Variants in TSHZ2 observed in about 807,000 individuals in gnomAD.
The protein encoded by TSHZ2 is teashirt homolog 2.
In TSHZ2, 21 loss-of-function variants were observed where a neutral mutation model predicts 74.4. That is an observed-to-expected ratio of 0.28 (90% CI 0.20 to 0.41). The LOEUF (loss-of-function observed/expected upper bound fraction) is 0.41. Among genes scored for constraint, TSHZ2 ranks in the 10% least tolerant of loss-of-function variants. The pLI, the probability that TSHZ2 is intolerant of heterozygous loss-of-function variation, is 1.00. For missense variants in TSHZ2, 1,244 were observed against 1,293.5 expected, an observed-to-expected ratio of 0.96 and a Z score of 0.59; for synonymous variants, 540 against 515.3, an observed-to-expected ratio of 1.05 and a Z score of -0.65.
At chr20:53,064,399 G>C (rs1386795726) in intron 1 of TSHZ2, among the ~76,000 whole-genome samples, 1 of 152,104 alleles carries the variant, frequency 6.6e-6, no homozygotes, top group Non-Finnish European at 1.5e-5. Flanking sequence ...AATTATCTTT[G>C]AAATTTTATG....
rs554204464 is a variant in TSHZ2, at chr20:53,327,013, A to T, written c.*8+70442A>T. 2.0e-5 allele frequency among the ~76,000 whole-genome samples: 3 copies of T among 152,380 alleles called. No individual in the cohort carries two copies. In the East Asian group the frequency reaches 5.8e-4, roughly 29 times the overall value. On this transcript the variant is annotated intron_variant, in intron 2 of 2. Transcript: ENST00000371497. ...TTCTGGAAAATATTTGAAATTGAGA[A>T]GGTTGTGGAAACCGTACATGCAGCA...
chr20:53,256,627 G>A lies in TSHZ2; in HGVS notation c.*8+56G>A, dbSNP rs1990490436. ...GCCTGGTGAGGAGCTTTCTTACAGG[G>A]AGATGGGTCTGCTTAGAGGCAGCTA... On this transcript the variant is annotated intron_variant, in intron 2 of 2. Transcript: ENST00000371497. This position sits in a 1 kb window ranked among gnomAD's most constrained non-coding sequence, Gnocchi z 4.3. The A allele has an allele frequency of 2.0e-6, 3 of 1,513,996 alleles. No homozygotes were observed. Among genetic ancestry groups the A allele is most frequent in the South Asian group, 1.4e-5 (1 of 72,918 alleles). The allele number at this position is 1,513,996 out of a possible 1,614,324, so 93.8% of individuals were successfully genotyped here.
Position 53,490,254 on chromosome 20 carries a change from A to G in TSHZ2, c.*3119A>G, listed in dbSNP as rs759171083. The stretch of plus-strand genomic sequence containing the variant: ...CCAAATACACAGCATGTTACAAGGC[A>G]CTGGTGGCACAGGGCACAACAGGAA... On this transcript the variant is annotated 3_prime_UTR_variant, in exon 3 of 3. Transcript: ENST00000371497. 6.6e-6 allele frequency: 1 copy of G among 152,240 alleles called. No individual in the cohort carries two copies. 9.4% of individuals were successfully genotyped at this position (152,240 alleles called of 1,614,324 possible).
intron 1 of TSHZ2, among the ~76,000 whole-genome samples, chr20:53,218,675 T>C (rs1989489247): frequency 2.0e-5 from 3 of 152,214 alleles, no homozygotes; most frequent in African/African-American, 7.2e-5. Context: ...CACTAGCCAT[T>C]TATCATTGTG....
At chr20:53,191,834 T>C (rs1285775151) in intron 1 of TSHZ2, among the ~76,000 whole-genome samples, 1 of 152,158 alleles carries the variant, frequency 6.6e-6, no homozygotes, top group Non-Finnish European at 1.5e-5. Flanking sequence ...TAAAGAGAAA[T>C]ATACATACAT....
At chr20:53,387,503 T>C (rs1470991632) in intron 2 of TSHZ2, among the ~76,000 whole-genome samples, 1 of 152,206 alleles carries the variant, frequency 6.6e-6, no homozygotes, top group African/African-American at 2.4e-5. Context: ...AAAGACCATT[T>C]TTCCATTTGT....
At chr20:53,473,298 A>C (rs555592353) in intron 2 of TSHZ2, among the ~76,000 whole-genome samples, 8 of 143,738 alleles carry the variant, frequency 5.6e-5, no homozygotes, top group Admixed American at 5.5e-4. Context: ...CCCAGCACGC[A>C]GCTGGAGATC....
chr20:53,322,029 G>A (rs1979289660), intron 2 of TSHZ2, among the ~76,000 whole-genome samples: 1 of 152,182 alleles, frequency 6.6e-6, no homozygotes, highest in South Asian at 2.1e-4. Flanking sequence ...CATGGAGAAA[G>A]CTTGGACTTT....
chr20:53,147,373 G>C (rs1056234695), intron 1 of TSHZ2, among the ~76,000 whole-genome samples: 2 of 152,132 alleles, frequency 1.3e-5, no homozygotes, highest in African/African-American at 4.8e-5. Context: ...CCATTTTGAA[G>C]ATTTGTATGT....
intron 2 of TSHZ2, among the ~76,000 whole-genome samples, chr20:53,439,835 C>G (rs1984243946): frequency 6.6e-6 from 1 of 152,136 alleles, no homozygotes; most frequent in African/African-American, 2.4e-5. Context: ...TTTATACCAG[C>G]TGGAGATTCA....
At chr20:53,430,993 T>C (rs1983828665) in intron 2 of TSHZ2, among the ~76,000 whole-genome samples, 1 of 152,020 alleles carries the variant, frequency 6.6e-6, no homozygotes, top group African/African-American at 2.4e-5. Flanking sequence ...GTGATCCACC[T>C]GCCTCAGCTT....
At chr20:53,047,571 G>C (rs1318275294) in intron 1 of TSHZ2, among the ~76,000 whole-genome samples, 2 of 152,158 alleles carry the variant, frequency 1.3e-5, no homozygotes, top group Non-Finnish European at 2.9e-5. Flanking sequence ...TCTGACAGAG[G>C]CTGGGAAATG....
chr20:53,093,873 T>C (rs1010203286), intron 1 of TSHZ2, among the ~76,000 whole-genome samples: 2 of 152,304 alleles, frequency 1.3e-5, no homozygotes, highest in Admixed American at 1.3e-4. Context: ...GCATAGGACC[T>C]CAGCCGGGTT....
intron 2 of TSHZ2, among the ~76,000 whole-genome samples, chr20:53,475,084 C>T (rs1343018550): frequency 1.4e-5 from 2 of 139,626 alleles, no homozygotes; most frequent in African/African-American, 5.6e-5. Flanking sequence ...CCACTGTCAA[C>T]ATTAGACAGA....
chr20:53,427,829 C>T (rs1466763402), intron 2 of TSHZ2, among the ~76,000 whole-genome samples: 1 of 152,130 alleles, frequency 6.6e-6, no homozygotes, highest in Non-Finnish European at 1.5e-5. Flanking sequence ...GAACTTCAAG[C>T]ATGTTAAGAA....
At chr20:53,344,660 G>A (rs1201002354) in intron 2 of TSHZ2, among the ~76,000 whole-genome samples, 1 of 152,162 alleles carries the variant, frequency 6.6e-6, no homozygotes, top group African/African-American at 2.4e-5. Flanking sequence ...CAGTGACACT[G>A]TATTTATACT....
intron 2 of TSHZ2, among the ~76,000 whole-genome samples, chr20:53,283,625 G>A (rs1991107405): frequency 6.6e-6 from 1 of 152,184 alleles, no homozygotes; most frequent in Admixed American, 6.5e-5. Flanking sequence ...TATACTGAAA[G>A]CTTACTTATG....
At chr20:53,261,631 T>C (rs1348942635) in intron 2 of TSHZ2, among the ~76,000 whole-genome samples, 1 of 152,218 alleles carries the variant, frequency 6.6e-6, no homozygotes, top group Non-Finnish European at 1.5e-5. Context: ...CCATTGCACC[T>C]TCCCCCCTCA....
intron 1 of TSHZ2, among the ~76,000 whole-genome samples, chr20:53,146,688 T>G (rs906143024): frequency 6.6e-6 from 1 of 152,306 alleles, no homozygotes; most frequent in East Asian, 1.9e-4. Flanking sequence ...AAAAGTCCTA[T>G]AACAGCATAA....
Sources: gnomAD v4.1 joint callset for allele counts (sites outside exome capture counted in the v4.1 genomes callset) on GRCh38, gnomAD v4.1.1 for gene constraint, Gnocchi (gnomAD v3.1) non-coding constraint, MANE v1.5 for transcripts, NCBI Gene and HGNC (gene_info 2026-07-23, HGNC 2026-07-21) for gene names.